MAP3K7CL: variants seen among roughly 807,000 people sequenced by gnomAD.
MAP3K7CL encodes MAP3K7 C-terminal like.
Under a neutral mutation model 18.6 loss-of-function variants are expected in MAP3K7CL, and 16 were observed. That is an observed-to-expected ratio of 0.86 (90% CI 0.58 to 1.31). The LOEUF (loss-of-function observed/expected upper bound fraction) is 1.31. Ranked by LOEUF, MAP3K7CL falls within the 50% of genes most tolerant of loss-of-function variation. The probability of loss-of-function intolerance (pLI) is 0.00; values close to 1 mark genes in which losing one functional copy is unlikely to be tolerated. For missense variants in MAP3K7CL, 163 were observed against 174.4 expected (o/e 0.93, Z 0.37); for synonymous variants, 65 against 66.8 (o/e 0.97, Z 0.13).
intron 3 of MAP3K7CL, among the ~76,000 whole-genome samples, chr21:29,153,285 G>A (rs1017624711): frequency 6.6e-6 from 1 of 152,176 alleles, no homozygotes; most frequent in African/African-American, 2.4e-5. Flanking sequence ...TAGGTGGAAG[G>A]TCAGTTCTAT....
chr21:29,124,416 A>G (rs2086650184), intron 4 of MAP3K7CL, among the ~76,000 whole-genome samples: 2 of 152,172 alleles, frequency 1.3e-5, no homozygotes, highest in South Asian at 2.1e-4. Flanking sequence ...TAAATGGTAA[A>G]CTCAAATTGT....
chr21:29,149,477 A>G (rs547789123), intron 3 of MAP3K7CL, among the ~76,000 whole-genome samples: 3 of 152,332 alleles, frequency 2.0e-5, no homozygotes, highest in African/African-American at 7.2e-5. Flanking sequence ...TGCTTATAGC[A>G]TAAACTGGCT....
chr21:29,174,581 G>A (rs2087920432), intron 4 of MAP3K7CL, 131 bp from the exon 5 acceptor site: 1 of 1,104,080 alleles, frequency 9.1e-7, no homozygotes, highest in East Asian at 2.5e-5. Flanking sequence ...GTCATTGGAG[G>A]CAAGTAGAGA....
intron 2 of MAP3K7CL, among the ~76,000 whole-genome samples, chr21:29,145,033 C>A (rs1422041294): frequency 6.6e-6 from 1 of 152,132 alleles, no homozygotes; most frequent in Admixed American, 6.5e-5. Flanking sequence ...CCTCTTCTTT[C>A]CTTTATATTT....
chr21:29,162,582 C>T (rs958297285), intron 4 of MAP3K7CL, among the ~76,000 whole-genome samples: 1 of 151,012 alleles, frequency 6.6e-6, no homozygotes, highest in Non-Finnish European at 1.5e-5. Context: ...ACTCGGGAGG[C>T]TGAGGCAGGA....
chr21:29,129,018 A>G (rs1025277614), upstream of MAP3K7CL, among the ~76,000 whole-genome samples: 3 of 152,214 alleles, frequency 2.0e-5, no homozygotes, highest in Non-Finnish European at 4.4e-5. Context: ...TTAGATTAAG[A>G]AAGCCTGCTG....
chr21:29,094,531 C>T (rs551961202), intron 4 of MAP3K7CL, among the ~76,000 whole-genome samples: 28 of 152,276 alleles, frequency 1.8e-4, no homozygotes, highest in Middle Eastern at 3.4e-3. Flanking sequence ...ATGCATGGGT[C>T]GCTTTGATAG....
At chr21:29,119,662 C>CTTTTTTT (rs58443653) in intron 4 of MAP3K7CL, among the ~76,000 whole-genome samples, 3 of 135,114 alleles carry the variant, frequency 2.2e-5, no homozygotes, top group Non-Finnish European at 4.7e-5. Flanking sequence ...AATCCTAAAA[C>CTTTTTTT]TTTTTTTTTT....
intron 4 of MAP3K7CL, among the ~76,000 whole-genome samples, chr21:29,108,088 T>C (rs939960685): frequency 4.6e-5 from 7 of 152,244 alleles, no homozygotes; most frequent in Non-Finnish European, 5.9e-5. Context: ...ATATTGTTAT[T>C]GATTAAATGT....
At chr21:29,140,514 A>G (rs1490070448) in intron 2 of MAP3K7CL, among the ~76,000 whole-genome samples, 2 of 152,334 alleles carry the variant, frequency 1.3e-5, no homozygotes, top group East Asian at 3.9e-4. Context: ...TCATGCAACT[A>G]ATACATAGAA....
At chr21:29,148,065 ATATGTATCT>A in intron 2 of MAP3K7CL, among the ~76,000 whole-genome samples, 1 of 151,762 alleles carries the variant, frequency 6.6e-6, no homozygotes, top group Non-Finnish European at 1.5e-5. Context: ...TGTGTACTGT[ATATGTATCT>A]GTGCTATATC....
At chr21:29,093,683 C>T (rs1284097290) in intron 4 of MAP3K7CL, among the ~76,000 whole-genome samples, 2 of 151,584 alleles carry the variant, frequency 1.3e-5, no homozygotes, top group African/African-American at 4.8e-5. Flanking sequence ...AGAGATGGGG[C>T]TTCACCGTGT....
chr21:29,105,652 G>A (rs2086308236), intron 4 of MAP3K7CL, among the ~76,000 whole-genome samples: 1 of 152,154 alleles, frequency 6.6e-6, no homozygotes, highest in Non-Finnish European at 1.5e-5. Context: ...ATGGGGAAGA[G>A]CTTATAAGCA....
chr21:29,119,490 G>A (rs1222247847), intron 4 of MAP3K7CL, among the ~76,000 whole-genome samples: 1 of 152,120 alleles, frequency 6.6e-6, no homozygotes, highest in East Asian at 1.9e-4. Flanking sequence ...GGCACACAGG[G>A]TCACTCTGTG....
chr21:29,172,575 C>T (rs1359609802), intron 4 of MAP3K7CL, among the ~76,000 whole-genome samples: 5 of 152,098 alleles, frequency 3.3e-5, no homozygotes, highest in Admixed American at 2.6e-4. Context: ...ACTTTCACCC[C>T]CCAGGTTTAG....
chr21:29,172,190 A>G (rs560964776), intron 4 of MAP3K7CL, among the ~76,000 whole-genome samples: 1 of 123,380 alleles, frequency 8.1e-6, no homozygotes, highest in South Asian at 2.9e-4. Context: ...ATGTTCTTCA[A>G]AACTATTTTT....
At chr21:29,085,771 C>G (rs953560622), upstream of MAP3K7CL, 6 of 1,307,022 alleles carry the variant, frequency 4.6e-6, no homozygotes, top group Non-Finnish European at 6.6e-6. Flanking sequence ...AGGAATGTTG[C>G]GATGGCTTTG....
At chr21:29,085,956 T>A in intron 1 of MAP3K7CL, 1 of 1,607,516 alleles carries the variant, frequency 6.2e-7, no homozygotes, top group Non-Finnish European at 8.5e-7. Flanking sequence ...TGTAAAACTG[T>A]CGACTATAAT....
intron 3 of MAP3K7CL, among the ~76,000 whole-genome samples, chr21:29,152,940 G>C (rs1481626453): frequency 1.3e-5 from 2 of 152,190 alleles, no homozygotes; most frequent in East Asian, 1.9e-4. Flanking sequence ...TGTAAAATCT[G>C]TTCTGACTTT....
Sources: allele counts gnomAD v4.1 joint callset (sites outside exome capture counted in the v4.1 genomes callset), GRCh38; gene constraint gnomAD v4.1.1; transcripts MANE v1.5; gene names NCBI Gene and HGNC (gene_info 2026-07-23, HGNC 2026-07-21).